The following SAMD4A variants were observed in gnomAD, a reference collection of about 807,000 sequenced individuals.
SAMD4A encodes sterile alpha motif domain containing 4A, also known as protein Smaug homolog 1.
A neutral mutation model predicts 81.3 loss-of-function variants in SAMD4A; 33 were observed. The ratio of observed to expected loss-of-function variants is 0.41; its 90% CI spans 0.31 to 0.54. The LOEUF (loss-of-function observed/expected upper bound fraction) is 0.54. Ranked by LOEUF, SAMD4A falls within the 20% of genes least tolerant of loss-of-function variation. The probability of loss-of-function intolerance (pLI) is 0.37; values close to 1 mark genes in which losing one functional copy is unlikely to be tolerated. For synonymous variants in SAMD4A, 389 were observed against 382.1 expected (o/e 1.02, Z -0.21); for missense variants, 854 against 951.1 (o/e 0.90, Z 1.34).
intron 4 of SAMD4A, among the ~76,000 whole-genome samples, chr14:54,748,285 C>T (rs1281702181): frequency 2.0e-5 from 3 of 152,198 alleles, no homozygotes; most frequent in African/African-American, 4.8e-5. Flanking sequence ...CACCATTTTC[C>T]TATCACTGTA....
intron 2 of SAMD4A, among the ~76,000 whole-genome samples, chr14:54,619,043 G>C (rs958718842): frequency 4.6e-5 from 7 of 151,972 alleles, no homozygotes; most frequent in Non-Finnish European, 1.0e-4. Context: ...AAAATGTTTT[G>C]AGGGTAAATT....
intron 2 of SAMD4A, among the ~76,000 whole-genome samples, chr14:54,661,085 G>A (rs961816901): frequency 5.9e-5 from 9 of 152,152 alleles, no homozygotes; most frequent in African/African-American, 2.2e-4. Flanking sequence ...TCTTGACCTC[G>A]GGCAAATCAC....
intron 3 of SAMD4A, among the ~76,000 whole-genome samples, chr14:54,711,820 A>T (rs1446724666): frequency 6.6e-6 from 1 of 152,024 alleles, no homozygotes; most frequent in Non-Finnish European, 1.5e-5. Context: ...AGTGAATCTC[A>T]GGGAAAGTGG....
At chr14:54,663,643 A>T (rs977434843) in intron 2 of SAMD4A, among the ~76,000 whole-genome samples, 1 of 152,170 alleles carries the variant, frequency 6.6e-6, no homozygotes, top group African/African-American at 2.4e-5. Context: ...TACTCTTCCA[A>T]TCCCTAGAAA....
At chr14:54,724,552 G>A (rs1417332793) in intron 3 of SAMD4A, among the ~76,000 whole-genome samples, 2 of 152,188 alleles carry the variant, frequency 1.3e-5, no homozygotes, top group African/African-American at 4.8e-5. Context: ...CGGCCTCTTT[G>A]GAGGCCAAAG....
intron 3 of SAMD4A, among the ~76,000 whole-genome samples, chr14:54,711,360 A>T (rs565111466): frequency 3.3e-5 from 5 of 152,266 alleles, no homozygotes; most frequent in African/African-American, 1.2e-4. Context: ...GAATTTATAC[A>T]TGTGATGAAC....
chr14:54,655,632 G>A (rs573029401), intron 2 of SAMD4A, among the ~76,000 whole-genome samples: 1 of 152,124 alleles, frequency 6.6e-6, no homozygotes, highest in Non-Finnish European at 1.5e-5. Context: ...CAGCTACTCG[G>A]GAGGCTGAGG....
intron 3 of SAMD4A, among the ~76,000 whole-genome samples, chr14:54,706,867 G>C (rs528471884): frequency 6.6e-6 from 1 of 152,172 alleles, no homozygotes; most frequent in Non-Finnish European, 1.5e-5. Context: ...GAACTGCCCC[G>C]AAGAGGCCAA....
At chr14:54,783,969 C>T (rs1041863982) in intron 11 of SAMD4A, among the ~76,000 whole-genome samples, 3 of 152,104 alleles carry the variant, frequency 2.0e-5, no homozygotes, top group African/African-American at 7.2e-5. Context: ...AATATGACAG[C>T]TGTGGGCGAA....
intron 3 of SAMD4A, among the ~76,000 whole-genome samples, chr14:54,722,663 T>A (rs562326318): frequency 1.2e-4 from 18 of 152,202 alleles, no homozygotes; most frequent in Non-Finnish European, 2.4e-4. Context: ...ATTCCTTAAC[T>A]GATAAAATAG....
At chr14:54,577,423 AG>A (rs1182394271) in intron 2 of SAMD4A, among the ~76,000 whole-genome samples, 1 of 152,256 alleles carries the variant, frequency 6.6e-6, no homozygotes. Flanking sequence ...TGAACCTAGA[AG>A]GATAGCTCAT....
rs144744567 is a variant in SAMD4A, at chr14:54,681,608, C to T, written c.197-20454C>T. On this transcript the variant is annotated intron_variant, in intron 2 of 12. Coordinates refer to ENST00000554335, the MANE Select transcript of SAMD4A (RefSeq NM_015589.6). ...CTATGCCCAGCTAATTTTTAAAAAT[C>T]TTCTATAGAGATGGTATCTCCCTAT... Among the ~76,000 whole-genome samples, 303 of 152,088 alleles carry T rather than the reference C, an allele frequency of 2.0e-3. 1 individual carries two copies. The highest frequency in any genetic ancestry group is 6.8e-3 in the African/African-American group (281 of 41,484).
chr14:54,660,067 G>A (rs570822702), intron 2 of SAMD4A, among the ~76,000 whole-genome samples: 4 of 151,492 alleles, frequency 2.6e-5, no homozygotes, highest in Admixed American at 6.6e-5. Context: ...GCAACAGAGC[G>A]AGACTCCGTC....
intron 9 of SAMD4A, among the ~76,000 whole-genome samples, chr14:54,773,198 G>A (rs933824422): frequency 2.0e-5 from 3 of 152,034 alleles, no homozygotes; most frequent in Non-Finnish European, 4.4e-5. Context: ...ATTCTGGGGA[G>A]AAGAGAAACA....
At chr14:54,771,962 G>A (rs1208309397) in intron 9 of SAMD4A, among the ~76,000 whole-genome samples, 1 of 152,224 alleles carries the variant, frequency 6.6e-6, no homozygotes, top group South Asian at 2.1e-4. Flanking sequence ...GGTTTGCCAG[G>A]TTGGAGTCCT....
intron 2 of SAMD4A, among the ~76,000 whole-genome samples, chr14:54,642,747 G>A (rs74541462): frequency 0.021 from 3,193 of 152,236 alleles, 83 homozygotes; most frequent in Middle Eastern, 0.092. Context: ...ATGGAGAGTC[G>A]GACGAAGAGA....
rs1382421652 is a variant in SAMD4A at position 54,567,891 on chromosome 14, T to C, written c.-26T>C. ...GCGGGCTGGGGCGCCCAGGGGGCTC[T>C]GTAGACCGAGGGCGGCCCCCTAACC... On this transcript the variant is annotated 5_prime_UTR_variant, in exon 2 of 13. Transcript: ENST00000554335. 1 of 1,595,872 alleles carries C rather than the reference T, an allele frequency of 6.3e-7. No individual in the cohort carries two copies. Among genetic ancestry groups the C allele is most frequent in the South Asian group, 1.1e-5 (1 of 89,722 alleles).
At chr14:54,766,555 G>C (rs1051283657) in intron 8 of SAMD4A, among the ~76,000 whole-genome samples, 1 of 152,186 alleles carries the variant, frequency 6.6e-6, no homozygotes, top group Non-Finnish European at 1.5e-5. Flanking sequence ...AAAGGCAAGC[G>C]AGAGTCCTGG....
intron 2 of SAMD4A, among the ~76,000 whole-genome samples, chr14:54,623,625 T>TGGGGAGAGC (rs111662511): frequency 0.76 from 114,179 of 151,214 alleles, 43,221 homozygotes; most frequent in East Asian, 0.88. Context: ...AGGGATCAGT[T>TGGGGAGAGC]GGGGAGGGTG....
Sources: gnomAD v4.1 joint callset for allele counts (sites outside exome capture counted in the v4.1 genomes callset) on GRCh38, gnomAD v4.1.1 for gene constraint, MANE v1.5 for transcripts, NCBI Gene and HGNC (gene_info 2026-07-23, HGNC 2026-07-21) for gene names.